The following GALNT7 variants were observed in gnomAD, a reference collection of about 807,000 sequenced individuals.
GALNT7 encodes the protein N-acetylgalactosaminyltransferase 7.
In GALNT7, 60 loss-of-function variants were observed where a neutral mutation model predicts 82.1. The observed-to-expected ratio is 0.73, with a 90% CI of 0.59 to 0.91. The LOEUF (loss-of-function observed/expected upper bound fraction) is 0.91, where lower values mean the gene tolerates loss of function less well. Ranked by LOEUF, GALNT7 falls within the 40% of genes least tolerant of loss-of-function variation. The probability of loss-of-function intolerance (pLI) is 0.00; values close to 1 mark genes in which losing one functional copy is unlikely to be tolerated. For missense variants in GALNT7, 660 were observed against 804.2 expected, an observed-to-expected ratio of 0.82 and a Z score of 2.17; for synonymous variants, 243 against 275.1, an observed-to-expected ratio of 0.88 and a Z score of 1.15.
chr4:173,227,569 G>C (rs1733874278), intron 1 of GALNT7, among the ~76,000 whole-genome samples: 1 of 152,166 alleles, frequency 6.6e-6, no homozygotes. Context: ...CTGACCTCAT[G>C]ATCCACCCAC....
chr4:173,238,044 G>C (rs1666075238), intron 1 of GALNT7, among the ~76,000 whole-genome samples: 2 of 152,094 alleles, frequency 1.3e-5, no homozygotes, highest in South Asian at 4.1e-4. Flanking sequence ...CTGTTTAGCA[G>C]GGTTAATTTC....
chr4:173,272,707 G>A (rs973450985), intron 2 of GALNT7, among the ~76,000 whole-genome samples: 1 of 152,066 alleles, frequency 6.6e-6, no homozygotes, highest in Non-Finnish European at 1.5e-5. Context: ...CCTTTACAAC[G>A]TTTTTAAACA....
intron 1 of GALNT7, among the ~76,000 whole-genome samples, chr4:173,173,985 G>T (rs1008541167): frequency 6.6e-6 from 1 of 152,112 alleles, no homozygotes; most frequent in South Asian, 2.1e-4. Flanking sequence ...TTCTGCCCTT[G>T]AACATGAGAT....
chr4:173,229,958 A>G (rs931237117), intron 1 of GALNT7, among the ~76,000 whole-genome samples: 2 of 152,054 alleles, frequency 1.3e-5, no homozygotes, highest in Non-Finnish European at 2.9e-5. Context: ...AGTGTGTGCT[A>G]TAGTAACAAC....
rs200173813 is a variant in GALNT7 at position 173,314,157 on chromosome 4, A to G, written c.1589A>G (p.Lys530Arg). The stretch of plus-strand genomic sequence containing the variant: ...ACCTCACACTACCCTTTGCCACCCA[A>G]AAATGTTGACTGGGGAGAAGTAAGT... ...DITSHYPLPP[K>R]NVDWGEIRGF... is the part of the protein sequence containing the mutation. The change falls in exon 9 of 12, where the codon AAA (lysine) becomes AGA (arginine). Residue 530 changes from lysine to arginine, a missense_variant. Around this residue, in one of 2 missense-constraint regions of GALNT7, gnomAD observed 527 missense variants for 683.5 expected, o/e 0.77. Coordinates refer to ENST00000265000, the MANE Select transcript of GALNT7 (RefSeq NM_017423.3). 8 of 1,609,514 alleles carry G rather than the reference A, an allele frequency of 5.0e-6. No homozygotes were observed. The East Asian group carries it at 1.3e-4, about 27-fold the overall frequency.
rs188083138 is a variant in GALNT7 at position 173,237,561 on chromosome 4, T to C, written c.127-10419T>C. ...TTTCTTAGTGTCATAAGAATTATTT[T>C]CTGTTGGTGACTTTAATTTCCTATA... On this transcript the variant is annotated intron_variant, in intron 1 of 11. Transcript: ENST00000265000. Among the ~76,000 whole-genome samples the C allele has an allele frequency of 2.0e-3, 300 of 152,328 alleles. 2 individuals are homozygous for C. The highest frequency in any genetic ancestry group is 6.8e-3 in the Middle Eastern group (2 of 294).
At chr4:173,215,362 C>CAGTG (rs762155538) in intron 1 of GALNT7, among the ~76,000 whole-genome samples, 1 of 151,896 alleles carries the variant, frequency 6.6e-6, no homozygotes, top group Non-Finnish European at 1.5e-5. Flanking sequence ...TTCCAAGTAG[C>CAGTG]AGTGATTACA....
intron 1 of GALNT7, among the ~76,000 whole-genome samples, chr4:173,234,396 T>C (rs543369896): frequency 6.6e-6 from 1 of 152,332 alleles, no homozygotes; most frequent in African/African-American, 2.4e-5. Context: ...CTGTCTCCTC[T>C]TGAATGTTTC....
chr4:173,311,125 A>G (rs1470917293), intron 8 of GALNT7, among the ~76,000 whole-genome samples: 1 of 152,202 alleles, frequency 6.6e-6, no homozygotes, highest in Non-Finnish European at 1.5e-5. Flanking sequence ...GTCATACTGC[A>G]TTTGCTTTTC....
At chr4:173,240,528 C>G (rs954618759) in intron 1 of GALNT7, among the ~76,000 whole-genome samples, 2 of 152,024 alleles carry the variant, frequency 1.3e-5, no homozygotes, top group African/African-American at 4.8e-5. Context: ...GTCACCACGC[C>G]TGGCTAATTT....
intron 1 of GALNT7, among the ~76,000 whole-genome samples, chr4:173,230,543 A>C (rs917459771): frequency 6.6e-6 from 1 of 152,196 alleles, no homozygotes; most frequent in African/African-American, 2.4e-5. Flanking sequence ...TAATGTTTTA[A>C]TATGAGTATA....
At chr4:173,300,380 A>C (rs1736878884) in intron 6 of GALNT7, among the ~76,000 whole-genome samples, 1 of 152,198 alleles carries the variant, frequency 6.6e-6, no homozygotes, top group Non-Finnish European at 1.5e-5. Flanking sequence ...AGCTGTGATA[A>C]GTAGTATGAA....
chr4:173,188,457 G>A (rs540981163), intron 1 of GALNT7, among the ~76,000 whole-genome samples: 4 of 152,122 alleles, frequency 2.6e-5, no homozygotes, highest in Non-Finnish European at 5.9e-5. Flanking sequence ...GAGATTTCAC[G>A]GCATACATTG....
At chr4:173,196,076 A>G (rs1219920539) in intron 1 of GALNT7, among the ~76,000 whole-genome samples, 1 of 152,184 alleles carries the variant, frequency 6.6e-6, no homozygotes, top group East Asian at 1.9e-4. Context: ...ACAAAATTAC[A>G]TAACAATTTT....
intron 2 of GALNT7, among the ~76,000 whole-genome samples, chr4:173,259,372 T>C (rs377238443): frequency 3.3e-5 from 5 of 152,042 alleles, no homozygotes; most frequent in African/African-American, 1.2e-4. Context: ...TTGGTGGTAG[T>C]ACAGTAATCA....
At chr4:173,311,101 A>G (rs577569796) in intron 8 of GALNT7, among the ~76,000 whole-genome samples, 2 of 152,336 alleles carry the variant, frequency 1.3e-5, no homozygotes, top group Admixed American at 6.5e-5. Context: ...CTATACTGCA[A>G]TACACCATGA....
chr4:173,191,769 C>T (rs544261073), intron 1 of GALNT7, among the ~76,000 whole-genome samples: 3 of 152,056 alleles, frequency 2.0e-5, no homozygotes, highest in Non-Finnish European at 4.4e-5. Context: ...CTTAGAAATC[C>T]GTTGTGAATC....
chr4:173,178,707 A>G (rs1377398922), intron 1 of GALNT7, among the ~76,000 whole-genome samples: 1 of 152,178 alleles, frequency 6.6e-6, no homozygotes, highest in African/African-American at 2.4e-5. Flanking sequence ...TTAACTTTAC[A>G]TTATCTAATT....
At chr4:173,212,859 C>G (rs192566376) in intron 1 of GALNT7, among the ~76,000 whole-genome samples, 125 of 152,112 alleles carry the variant, frequency 8.2e-4, no homozygotes, top group African/African-American at 2.9e-3. Flanking sequence ...ATGATCATTT[C>G]TTCAAAAATA....
Sources: gnomAD v4.1 joint callset for allele counts (sites outside exome capture counted in the v4.1 genomes callset) on GRCh38, gnomAD v4.1.1 for gene constraint, gnomAD v4.1.1 regional missense constraint, MANE v1.5 for transcripts, NCBI Gene and HGNC (gene_info 2026-07-23, HGNC 2026-07-21) for gene names.